The following PDGFRL variants were observed in gnomAD, a reference collection of about 807,000 sequenced individuals.
The protein encoded by PDGFRL is platelet-derived growth factor receptor-like protein.
A neutral mutation model predicts 37.2 loss-of-function variants in PDGFRL; 46 were observed. The observed-to-expected ratio is 1.24, with a 90% confidence interval of 0.98 to 1.58. PDGFRL has a LOEUF of 1.58. Ranked by LOEUF, PDGFRL falls within the 40% of genes most tolerant of loss-of-function variation. The pLI is 0.00. For synonymous variants in PDGFRL, 251 were observed against 184.3 expected, an observed-to-expected ratio of 1.36 and a Z score of -2.93; for missense variants, 692 against 467.6, an observed-to-expected ratio of 1.48 and a Z score of -4.43.
At position 17,621,405 on chromosome 8, in the gene PDGFRL, G is replaced by T. The variant is rs1236890482; in HGVS notation, c.505+203G>T. ...CAGGGCAAATACTAATATTATTCCT[G>T]TTTTTTTTTTTTTCAGATGGGAAAG... is the stretch of plus-strand genomic sequence containing the variant. On this transcript the variant is annotated intron_variant, in intron 3 of 5. Transcript: ENST00000251630. Among the ~76,000 whole-genome samples the T allele has an allele frequency of 1.8e-4, 26 of 141,416 alleles. No individual in the cohort carries two copies. In the South Asian group the frequency reaches 5.4e-3, roughly 30 times the overall value. 92.8% of individuals were successfully genotyped at this position (141,416 alleles called of 152,430 possible).
chr8:17,609,177 G>A (rs912337730), intron 2 of PDGFRL, among the ~76,000 whole-genome samples: 2 of 152,108 alleles, frequency 1.3e-5, no homozygotes, highest in Non-Finnish European at 2.9e-5. Context: ...ACTCCAGCCT[G>A]GGTGACAGAG....
chr8:17,595,442 C>G lies in PDGFRL; in HGVS notation c.353+5677C>G, dbSNP rs564696090. Among the ~76,000 whole-genome samples, 5 of 152,330 alleles carry G rather than the reference C, an allele frequency of 3.3e-5. No individual in the cohort carries two copies. The East Asian group carries it at 9.7e-4, about 29-fold the overall frequency. ...GCCATGCCCCACCTAGGTAGCCGCC[C>G]TATTTTGGATCCCGTAGGATCTCTA... On this transcript the variant is annotated intron_variant, in intron 2 of 5. Transcript: ENST00000251630.
intron 3 of PDGFRL, among the ~76,000 whole-genome samples, chr8:17,627,028 C>T (rs567205931): frequency 6.6e-6 from 1 of 152,302 alleles, no homozygotes; most frequent in African/African-American, 2.4e-5. Flanking sequence ...CTAACCTTGG[C>T]AGGCGCCAGA....
chr8:17,629,774 T>A (rs192732119), intron 4 of PDGFRL, among the ~76,000 whole-genome samples: 23 of 152,230 alleles, frequency 1.5e-4, no homozygotes, highest in African/African-American at 5.5e-4. Flanking sequence ...CCACAACCAC[T>A]GTGACAGCAA....
chr8:17,592,555 G>C (rs1222451905), intron 2 of PDGFRL, among the ~76,000 whole-genome samples: 4 of 152,106 alleles, frequency 2.6e-5, no homozygotes, highest in Non-Finnish European at 5.9e-5. Context: ...CTCTAATCTC[G>C]ATCAGACACT....
rs761712002 is a variant in PDGFRL at position 17,621,142 on chromosome 8, A to G, written c.445A>G (p.Ser149Gly). The change falls in exon 3 of 6, where the codon AGC becomes GGC. Residue 149 changes from serine to glycine, a missense_variant. Transcript: ENST00000251630. Reference sequence around the variant, plus strand: ...ATTCAGCTGCTGGGTGCAGCTCTGCAGCGGCTACATCTGCAGGAAGGACGA... The same window carrying G: ...ATTCAGCTGCTGGGTGCAGCTCTGCGGCGGCTACATCTGCAGGAAGGACGA... ...GEFSCWVQLCSGYICRKDEAK... is the reference protein window; with the variant it reads ...GEFSCWVQLCGGYICRKDEAK... The G allele has an allele frequency of 3.1e-6, 5 of 1,612,308 alleles. No homozygotes were observed. The African/African-American group carries it at 4.0e-5, about 13-fold the overall frequency.
intron 5 of PDGFRL, 128 bp downstream of exon 5, chr8:17,634,341 G>C: frequency 3.0e-6 from 2 of 677,190 alleles, no homozygotes; most frequent in Non-Finnish European, 5.0e-6. Context: ...GAAACATGTG[G>C]GGCTATGTTG....
At chr8:17,636,137 C>G (rs1239762639) in intron 5 of PDGFRL, among the ~76,000 whole-genome samples, 1 of 152,006 alleles carries the variant, frequency 6.6e-6, no homozygotes, top group East Asian at 1.9e-4. Context: ...CCCGATCTAT[C>G]TTTGTTTTTG....
intron 1 of PDGFRL, among the ~76,000 whole-genome samples, chr8:17,579,174 C>A (rs13273725): frequency 6.6e-6 from 1 of 151,880 alleles, no homozygotes; most frequent in African/African-American, 2.4e-5. Context: ...TCCAGCTGGG[C>A]GACAAAGTGA....
intron 2 of PDGFRL, among the ~76,000 whole-genome samples, chr8:17,609,913 C>G (rs1025394401): frequency 8.5e-5 from 13 of 152,128 alleles, no homozygotes; most frequent in Admixed American, 5.9e-4. Flanking sequence ...TGATGTTACT[C>G]AGAAGATTTA....
chr8:17,634,043 C>G (rs1297433323), intron 4 of PDGFRL, 31 bp from the exon 5 acceptor site: 5 of 1,610,634 alleles, frequency 3.1e-6, no homozygotes, highest in Non-Finnish European at 4.2e-6. Context: ...CACTCGGGGT[C>G]TCACTCTGCC....
rs1015171017 is a variant in PDGFRL at position 17,588,265 on chromosome 8, T to C, written c.56-1203T>C. 3.9e-5 allele frequency among the ~76,000 whole-genome samples: 6 copies of C among 152,300 alleles called. No individual in the cohort carries two copies. The South Asian group carries it at 6.2e-4, about 16-fold the overall frequency. ...GATAATTTATATGTAAGCTTCAGAT[T>C]AGTATACACATAATATTTACTCTTT... On this transcript the variant is annotated intron_variant, in intron 1 of 5. Transcript: ENST00000251630.
At chr8:17,581,880 A>C (rs1330983240) in intron 1 of PDGFRL, among the ~76,000 whole-genome samples, 1 of 152,166 alleles carries the variant, frequency 6.6e-6, no homozygotes, top group Non-Finnish European at 1.5e-5. Flanking sequence ...ACTAACACAG[A>C]AAATTGGTAC....
At chr8:17,596,756 T>C (rs908361825) in intron 2 of PDGFRL, among the ~76,000 whole-genome samples, 28 of 142,962 alleles carry the variant, frequency 2.0e-4, no homozygotes, top group Non-Finnish European at 3.2e-4. Flanking sequence ...TTATGAAACA[T>C]TGTGAAAAAA....
rs541434555 is a variant in PDGFRL, at chr8:17,588,855, G to C, written c.56-613G>C. On this transcript the variant is annotated intron_variant, in intron 1 of 5. Transcript: ENST00000251630. ...TTCTGCTGTTTTGTGTGACTGCTTG[G>C]AGACTATGAGACGGTGTGAACTACA... Among the ~76,000 whole-genome samples, 24 of 152,242 alleles carry C rather than the reference G, an allele frequency of 1.6e-4. No individual in the cohort carries two copies. In the East Asian group the frequency reaches 4.6e-3, roughly 29 times the overall value.
intron 1 of PDGFRL, among the ~76,000 whole-genome samples, chr8:17,589,201 G>T (rs1189496857): frequency 6.6e-6 from 1 of 152,008 alleles, no homozygotes; most frequent in Admixed American, 6.6e-5. Flanking sequence ...AACGTGCTGA[G>T]ACCCTGTCTC....
chr8:17,634,494 T>A (rs1332685415), intron 5 of PDGFRL, among the ~76,000 whole-genome samples: 1 of 151,716 alleles, frequency 6.6e-6, no homozygotes, highest in Non-Finnish European at 1.5e-5. Context: ...TTTTTTTTTT[T>A]AAACCCTTAA....
intron 1 of PDGFRL, among the ~76,000 whole-genome samples, chr8:17,582,445 C>T (rs549259759): frequency 4.0e-5 from 6 of 151,806 alleles, no homozygotes; most frequent in African/African-American, 7.3e-5. Context: ...AGCCTGATGT[C>T]GTGGTGCGCA....
chr8:17,580,568 C>A (rs967035739), intron 1 of PDGFRL, among the ~76,000 whole-genome samples: 1 of 151,930 alleles, frequency 6.6e-6, no homozygotes, highest in Non-Finnish European at 1.5e-5. Context: ...GGTTTTAAAA[C>A]CCTTTCTTTG....
Sources: gnomAD v4.1 joint callset for allele counts (sites outside exome capture counted in the v4.1 genomes callset) on GRCh38, gnomAD v4.1.1 for gene constraint, MANE v1.5 for transcripts, NCBI Gene and HGNC (gene_info 2026-07-23, HGNC 2026-07-21) for gene names.